The following TMEM132D variants were observed in gnomAD, a reference collection of about 807,000 sequenced individuals.
TMEM132D encodes mature OL transmembrane protein.
A neutral mutation model predicts 62.3 loss-of-function variants in TMEM132D; 21 were observed. That is an observed-to-expected ratio of 0.34 (90% CI 0.24 to 0.49). The LOEUF is 0.49. TMEM132D is among the 20% of genes least tolerant of loss of function. The probability of loss-of-function intolerance (pLI) is 0.99; values close to 1 mark genes in which losing one functional copy is unlikely to be tolerated. For missense variants in TMEM132D, 1,346 were observed against 1,402.8 expected, an observed-to-expected ratio of 0.96 and a Z score of 0.65; for synonymous variants, 621 against 575.6, an observed-to-expected ratio of 1.08 and a Z score of -1.13.
chr12:129,520,118 C>T (rs1025331335), intron 3 of TMEM132D, among the ~76,000 whole-genome samples: 3 of 152,008 alleles, frequency 2.0e-5, no homozygotes, highest in Non-Finnish European at 4.4e-5. Context: ...TCAGTGAGGC[C>T]GAACTTGATT....
intron 1 of TMEM132D, among the ~76,000 whole-genome samples, chr12:129,770,249 T>C (rs916473270): frequency 6.8e-6 from 1 of 146,878 alleles, no homozygotes; most frequent in Non-Finnish European, 1.5e-5. Context: ...GTTCAAGCGA[T>C]TGTCCTGCCT....
chr12:129,872,321 G>C (rs769798758), intron 1 of TMEM132D, among the ~76,000 whole-genome samples: 7 of 152,088 alleles, frequency 4.6e-5, no homozygotes, highest in African/African-American at 1.4e-4. Context: ...GTTTACACAG[G>C]GGGAGGACAA....
At chr12:129,240,750 T>C (rs1014889068) in intron 4 of TMEM132D, among the ~76,000 whole-genome samples, 6 of 152,320 alleles carry the variant, frequency 3.9e-5, no homozygotes, top group Admixed American at 1.3e-4. Flanking sequence ...CCTAAGGCAC[T>C]GAGAGCTCAA....
chr12:129,649,873 T>C (rs1879881934), intron 2 of TMEM132D, among the ~76,000 whole-genome samples: 1 of 151,224 alleles, frequency 6.6e-6, no homozygotes, highest in South Asian at 2.1e-4. Flanking sequence ...TGTATGTGTG[T>C]GCATGTGTGT....
At chr12:129,747,792 CACAG>C (rs1253919538) in intron 1 of TMEM132D, among the ~76,000 whole-genome samples, 1 of 150,274 alleles carries the variant, frequency 6.7e-6, no homozygotes. Context: ...ACACACTCGA[CACAG>C]ACACATTTGA....
chr12:129,592,301 A>G lies in TMEM132D; in HGVS notation c.969-61096T>C, dbSNP rs182218682. 9.1e-4 allele frequency among the ~76,000 whole-genome samples: 138 copies of G among 152,326 alleles called. 3 individuals are homozygous for G. The East Asian group carries it at 0.02, about 22-fold the overall frequency. Reference sequence around the variant, plus strand: ...CAGGTTCCACGGATCATCTTTCTAGATGGACCGAGATGTAGCAAGAAAAAC... The same window carrying G: ...CAGGTTCCACGGATCATCTTTCTAGGTGGACCGAGATGTAGCAAGAAAAAC... On this transcript the variant is annotated intron_variant, in intron 2 of 8. Coordinates refer to ENST00000422113, the MANE Select transcript of TMEM132D (RefSeq NM_133448.3).
At chr12:129,114,684 G>A (rs1875837624) in intron 5 of TMEM132D, among the ~76,000 whole-genome samples, 2 of 152,090 alleles carry the variant, frequency 1.3e-5, no homozygotes, top group South Asian at 4.1e-4. Flanking sequence ...CACTACTCTG[G>A]CTCTTATCCT....
chr12:129,762,133 G>T (rs948484768), intron 1 of TMEM132D, among the ~76,000 whole-genome samples: 6 of 152,098 alleles, frequency 3.9e-5, no homozygotes, highest in African/African-American at 1.4e-4. Context: ...ATCTGTTCCT[G>T]ATGCCAAAAG....
chr12:129,126,960 C>T lies in TMEM132D; in HGVS notation c.1444-42258G>A, dbSNP rs117352976. Among the ~76,000 whole-genome samples, 103 of 152,258 alleles carry T rather than the reference C, an allele frequency of 6.8e-4. 1 individual carries two copies. The highest frequency in any genetic ancestry group is 1.0e-3 in the Non-Finnish European group (71 of 68,010). Reference sequence around the variant, plus strand: ...TTCAGTGATGTTGGGCATGTGATGCCCTGCAGTTGGGGACAATCAGCTGAG... The same window carrying T: ...TTCAGTGATGTTGGGCATGTGATGCTCTGCAGTTGGGGACAATCAGCTGAG... On this transcript the variant is annotated intron_variant, in intron 5 of 8. Transcript: ENST00000422113.
At chr12:129,722,742 CTT>C (rs67984947) in intron 1 of TMEM132D, among the ~76,000 whole-genome samples, 9 of 81,894 alleles carry the variant, frequency 1.1e-4, no homozygotes, top group Non-Finnish European at 1.4e-4. Flanking sequence ...TTCTTTTTTT[CTT>C]TTTTTTTTTT....
At chr12:129,351,608 T>C (rs1869864197) in intron 3 of TMEM132D, among the ~76,000 whole-genome samples, 1 of 152,186 alleles carries the variant, frequency 6.6e-6, no homozygotes, top group African/African-American at 2.4e-5. Flanking sequence ...GACACTCACA[T>C]CTCTGCCATT....
At chr12:129,222,849 A>G (rs141494719) in intron 4 of TMEM132D, among the ~76,000 whole-genome samples, 99 of 152,286 alleles carry the variant, frequency 6.5e-4, no homozygotes, top group Admixed American at 1.4e-3. Flanking sequence ...TGTTTAGTAT[A>G]GTTAATAATA....
intron 5 of TMEM132D, among the ~76,000 whole-genome samples, chr12:129,145,000 G>A (rs1395553338): frequency 6.6e-6 from 1 of 151,876 alleles, no homozygotes; most frequent in Non-Finnish European, 1.5e-5. Context: ...GCAGTAATAT[G>A]TGTATATATA....
At chr12:129,359,822 G>A (rs906745775) in intron 3 of TMEM132D, among the ~76,000 whole-genome samples, 10 of 151,574 alleles carry the variant, frequency 6.6e-5, no homozygotes, top group African/African-American at 2.2e-4. Context: ...AAGAAGAAAT[G>A]GAAAATAAAT....
Position 129,449,745 on chromosome 12 carries a change from C to T in TMEM132D, c.1115+81314G>A, listed in dbSNP as rs147548749. ...ATTTTAAAATTTGTAAGTTTGATAT[C>T]GTGTGGTCCTCAGGGAAAGCCAACT... On this transcript the variant is annotated intron_variant, in intron 3 of 8. Coordinates refer to ENST00000422113, the MANE Select transcript of TMEM132D (RefSeq NM_133448.3). Among the ~76,000 whole-genome samples, 359 of 152,270 alleles carry T rather than the reference C, an allele frequency of 2.4e-3. 3 individuals carry two copies. Among genetic ancestry groups the T allele is most frequent in the African/African-American group, 8.2e-3 (342 of 41,548 alleles).
At chr12:129,424,537 C>T (rs986325788) in intron 3 of TMEM132D, among the ~76,000 whole-genome samples, 3 of 151,792 alleles carry the variant, frequency 2.0e-5, no homozygotes, top group African/African-American at 7.3e-5. Flanking sequence ...CGTCTCTACT[C>T]TCTATTAAAA....
intron 3 of TMEM132D, among the ~76,000 whole-genome samples, chr12:129,526,379 G>A (rs4759961): frequency 0.67 from 101,260 of 151,592 alleles, 34,291 homozygotes; most frequent in African/African-American, 0.78. Flanking sequence ...CTGCCTCCCA[G>A]GTTCAAGCGA....
chr12:129,649,806 GTGTGTA>G (rs1259252189), intron 2 of TMEM132D, among the ~76,000 whole-genome samples: 1 of 151,484 alleles, frequency 6.6e-6, no homozygotes, highest in Admixed American at 6.6e-5. Flanking sequence ...GCGTATGTGT[GTGTGTA>G]TGTGTGTATA....
chr12:129,603,169 A>G (rs546860742), intron 2 of TMEM132D, among the ~76,000 whole-genome samples: 7 of 152,304 alleles, frequency 4.6e-5, no homozygotes, highest in South Asian at 2.1e-4. Flanking sequence ...CCAAAGTCCA[A>G]AGTTGGCATT....
Sources: gnomAD v4.1 joint callset for allele counts (sites outside exome capture counted in the v4.1 genomes callset) on GRCh38, gnomAD v4.1.1 for gene constraint, MANE v1.5 for transcripts, NCBI Gene and HGNC (gene_info 2026-07-23, HGNC 2026-07-21) for gene names.